AADACL3: variants seen among roughly 807,000 people sequenced by gnomAD.
AADACL3 encodes the protein arylacetamide deacetylase like 3, also known as arylacetamide deacetylase-like 3.
A neutral mutation model predicts 13.6 loss-of-function variants in AADACL3; 13 were observed. The observed-to-expected ratio is 0.95, with a 90% confidence interval of 0.62 to 1.52. The LOEUF is 1.52. Among genes scored for constraint, AADACL3 ranks in the 40% most tolerant of loss-of-function variants. The pLI, the probability that AADACL3 is intolerant of heterozygous loss-of-function variation, is 0.00. For missense variants in AADACL3, 519 were observed against 499.2 expected, an observed-to-expected ratio of 1.04 and a Z score of -0.38; for synonymous variants, 195 against 197.0, an observed-to-expected ratio of 0.99 and a Z score of 0.08.
chr1:12,717,653 G>A (rs1225483076), intron 1 of AADACL3, among the ~76,000 whole-genome samples: 2 of 152,234 alleles, frequency 1.3e-5, no homozygotes, highest in South Asian at 2.1e-4. Context: ...AGTGGGCAGC[G>A]GGGAAGTGGT....
chr1:12,720,937 T>G lies in AADACL3; in HGVS notation c.440T>G (p.Leu147Arg), dbSNP rs1162094168. The G allele has an allele frequency of 6.2e-7, 1 of 1,606,682 alleles. No homozygotes were observed. The change falls in exon 3 of 4, where the codon CTG becomes CGG. Residue 147 changes from leucine (L) to arginine (R), a missense_variant. Leu to Arg is a moderately radical substitution (Grantham distance 102, BLOSUM62 -2). Coordinates refer to ENST00000359318, the MANE Select transcript of AADACL3 (RefSeq NM_001103170.3). ...RLCKESDSVV[L>R]AVGYRKLPKH... ...TGCAAGGAGAGTGACTCCGTGGTTC[T>G]GGCAGTTGGGTGAGTAAAGGGGAGA...
At chr1:12,725,143 T>C (rs1056691674) in intron 3 of AADACL3, 79 bp from the exon 4 acceptor site, 3 of 1,436,940 alleles carry the variant, frequency 2.1e-6, no homozygotes, top group Admixed American at 2.2e-5. Context: ...AATGGACTAA[T>C]TTGGGCTAAA....
intron 3 of AADACL3, among the ~76,000 whole-genome samples, chr1:12,723,934 A>G (rs1638314540): frequency 6.7e-6 from 1 of 150,024 alleles, no homozygotes; most frequent in Non-Finnish European, 1.5e-5. Context: ...ACAGGCATGC[A>G]CCACCACGCC....
In AADACL3 at chr1:12,727,409, G is replaced by T. The variant is rs1239193131; in HGVS notation, c.*1413G>T. The T allele has an allele frequency of 6.6e-6, 1 of 152,152 alleles. No homozygotes were observed. The highest frequency in any genetic ancestry group is 1.5e-5 in the Non-Finnish European group (1 of 68,032). 9.4% of individuals were successfully genotyped at this position (152,152 alleles called of 1,614,324 possible). ...GAAGCTAAATTGAACCCTCAGGCAGGGTACGTGAAAGTGGCAAGAGATGTC... is the reference window on the plus strand; with the variant it reads ...GAAGCTAAATTGAACCCTCAGGCAGTGTACGTGAAAGTGGCAAGAGATGTC... On this transcript the variant is annotated 3_prime_UTR_variant, in exon 4 of 4. Coordinates refer to ENST00000359318, the MANE Select transcript of AADACL3 (RefSeq NM_001103170.3).
intron 1 of AADACL3, among the ~76,000 whole-genome samples, chr1:12,718,476 A>G (rs969620017): frequency 6.6e-6 from 1 of 151,352 alleles, no homozygotes; most frequent in Middle Eastern, 3.2e-3. Flanking sequence ...CCAGAGGGAG[A>G]GCCCTCTTTA....
Position 12,719,699 on chromosome 1 carries a change from C to T in AADACL3, c.385+8C>T. ...GCGTCATGGGGAGTTTGAGTAAGAA[C>T]CATTTTCTCAGACCTCCTAAAGGGT... On this transcript the variant is annotated splice_region_variant and intron_variant, in intron 2 of 3. Coordinates refer to ENST00000359318, the MANE Select transcript of AADACL3 (RefSeq NM_001103170.3). The T allele has an allele frequency of 6.2e-7, 1 of 1,612,204 alleles. No homozygotes were observed. Among genetic ancestry groups the T allele is most frequent in the Non-Finnish European group, 8.5e-7 (1 of 1,178,774 alleles).
chr1:12,718,562 T>C (rs1042815728), intron 1 of AADACL3, among the ~76,000 whole-genome samples: 1 of 152,070 alleles, frequency 6.6e-6, no homozygotes, highest in South Asian at 2.1e-4. Context: ...AATGGCATGA[T>C]CTCGGCTTAC....
chr1:12,717,501 T>C (rs1330274926), intron 1 of AADACL3, among the ~76,000 whole-genome samples: 3 of 152,212 alleles, frequency 2.0e-5, no homozygotes, highest in Non-Finnish European at 2.9e-5. Flanking sequence ...TGTTACTCTT[T>C]GTTGATTCTT....
chr1:12,719,888 T>C (rs1251446050), intron 2 of AADACL3, among the ~76,000 whole-genome samples, 197 bp downstream of exon 2: 1 of 152,206 alleles, frequency 6.6e-6, no homozygotes, highest in Non-Finnish European at 1.5e-5. Flanking sequence ...TTTACATAAA[T>C]GTAATCCTTA....
In AADACL3 at chr1:12,725,748, CT is replaced by C. The variant is rs767676568; in HGVS notation, c.977del (p.Leu326ArgfsTer7). 4 of 1,614,146 alleles carry C rather than the reference CT, an allele frequency of 2.5e-6. No homozygotes were observed. The highest frequency in any genetic ancestry group is 3.3e-5 in the Admixed American group (2 of 60,014). On this transcript the variant is annotated frameshift_variant, in exon 4 of 4. Transcript: ENST00000359318. LOFTEE classifies it low-confidence loss of function (END_TRUNC). ...TGTCCTGGATGTGATGTGCTCGCCC[CT>C]GATTGCAGAAGATGACATAGTGTCT... ...SVVLDVMCSP[L>X]IAEDDIVSQL... is the part of the protein sequence containing the mutation.
Position 12,725,242 on chromosome 1 carries a change from A to T in AADACL3, c.470A>T (p.His157Leu). The T allele has an allele frequency of 6.2e-7, 1 of 1,606,558 alleles. No homozygotes were observed. Among genetic ancestry groups the T allele is most frequent in the Non-Finnish European group, 8.5e-7 (1 of 1,176,984 alleles). Reference sequence around the variant, plus strand: ...TTTAGTTACCGCAAGTTACCTAAGCATAAGTTTCCAGTGCCAGTAAGAGAC... The same window carrying T: ...TTTAGTTACCGCAAGTTACCTAAGCTTAAGTTTCCAGTGCCAGTAAGAGAC... ...LAVGYRKLPK[H>L]KFPVPVRDCL... The change falls in exon 4 of 4, where the codon CAT (histidine) becomes CTT (leucine). Residue 157 changes from histidine (H) to leucine (L), a missense_variant. His to Leu is a moderately conservative substitution (Grantham distance 99, BLOSUM62 -3). Coordinates refer to ENST00000359318, the MANE Select transcript of AADACL3 (RefSeq NM_001103170.3).
intron 1 of AADACL3, 65 bp downstream of exon 1, chr1:12,716,409 A>G (rs1648435258): frequency 6.2e-7 from 1 of 1,602,868 alleles, no homozygotes; most frequent in Non-Finnish European, 8.5e-7. Flanking sequence ...GAAAAATCAC[A>G]CACCGGAAGC....
rs184164692 is a variant in AADACL3 at position 12,725,342 on chromosome 1, C to A, written c.570C>A (p.Cys190Ter). 6.2e-7 allele frequency: 1 copy of A among 1,613,950 alleles called. No individual in the cohort carries two copies. Among genetic ancestry groups the A allele is most frequent in the Admixed American group, 1.7e-5 (1 of 59,990 alleles). Residue 190 changes from cysteine to a stop codon, truncating the protein, a stop_gained, in exon 4 of 4, where the codon TGC (cysteine) becomes TGA (stop). Coordinates refer to ENST00000359318, the MANE Select transcript of AADACL3 (RefSeq NM_001103170.3). LOFTEE classifies it low-confidence loss of function (END_TRUNC). ...YGVDPARVVV[C>*]GDSFGGAIAA... ...TGGATCCAGCCCGGGTTGTGGTCTGCGGTGACAGTTTCGGAGGGGCAATAG... is the reference window on the plus strand; with the variant it reads ...TGGATCCAGCCCGGGTTGTGGTCTGAGGTGACAGTTTCGGAGGGGCAATAG...
chr1:12,723,945 C>A (rs1044144200), intron 3 of AADACL3, among the ~76,000 whole-genome samples: 1 of 150,628 alleles, frequency 6.6e-6, no homozygotes, highest in Non-Finnish European at 1.5e-5. Context: ...CCACCACGCC[C>A]GGTTAATTTT....
chr1:12,725,701 C>T lies in AADACL3; in HGVS notation c.929C>T (p.Ala310Val), dbSNP rs1457138835. 1 of 1,614,170 alleles carries T rather than the reference C, an allele frequency of 6.2e-7. No homozygotes were observed. The change falls in exon 4 of 4, where the codon GCT (alanine) becomes GTT (valine). Residue 310 changes from alanine to valine, a missense_variant. Physicochemically the swap from Ala to Val is moderately conservative, Grantham distance 64. Transcript: ENST00000359318. The part of the protein sequence containing the change: ...QLKPHEPMNE[A>V]AYLEVSVVLD... ...AAGCCCCATGAGCCCATGAATGAAG[C>T]TGCTTACTTGGAAGTAAGTGTTGTC... is the stretch of plus-strand genomic sequence containing the variant.
intron 2 of AADACL3, 98 bp from the exon 3 acceptor site, chr1:12,720,785 G>C (rs549849868): frequency 2.0e-6 from 2 of 1,006,292 alleles, no homozygotes; most frequent in Non-Finnish European, 3.1e-6. Flanking sequence ...AAACCTAGTC[G>C]GCATCGGCCC....
At position 12,725,717 on chromosome 1, in the gene AADACL3, A is replaced by G. The variant is rs1304221536; in HGVS notation, c.945A>G (p.Val315=). 1.9e-6 allele frequency: 3 copies of G among 1,614,006 alleles called. No homozygotes were observed. Among genetic ancestry groups the G allele is most frequent in the Middle Eastern group, 1.6e-4 (1 of 6,084 alleles). Reference sequence around the variant, plus strand: ...TGAATGAAGCTGCTTACTTGGAAGTAAGTGTTGTCCTGGATGTGATGTGCT... The same window carrying G: ...TGAATGAAGCTGCTTACTTGGAAGTGAGTGTTGTCCTGGATGTGATGTGCT... ...EPMNEAAYLE[V]SVVLDVMCSP... Residue 315 remains valine, a synonymous_variant, in exon 4 of 4, where the codon GTA becomes GTG. Transcript: ENST00000359318.
At chr1:12,722,302 G>C (rs1306201228) in intron 3 of AADACL3, among the ~76,000 whole-genome samples, 1 of 143,064 alleles carries the variant, frequency 7.0e-6, no homozygotes, top group Non-Finnish European at 1.5e-5. Context: ...ACTCCAGCCT[G>C]GGTGACAGAG....
chr1:12,726,193 G>T lies in AADACL3; in HGVS notation c.*197G>T. The T allele has an allele frequency of 1.6e-6, 1 of 619,090 alleles. No individual in the cohort carries two copies. The allele number at this position is 619,090 out of a possible 1,614,324, so 38.3% of individuals were successfully genotyped here. ...CCAGAGGACGTGGTAGAAAAGACAG[G>T]TTTGGAGGTGGGAGTGTGGCTGTCT... On this transcript the variant is annotated 3_prime_UTR_variant, in exon 4 of 4. Transcript: ENST00000359318.
Sources: allele counts gnomAD v4.1 joint callset (sites outside exome capture counted in the v4.1 genomes callset), GRCh38; gene constraint gnomAD v4.1.1; transcripts MANE v1.5; gene names NCBI Gene and HGNC (gene_info 2026-07-23, HGNC 2026-07-21).